ACOT7: variants seen among roughly 807,000 people sequenced by gnomAD.
ACOT7 encodes cytosolic acyl coenzyme A thioester hydrolase.
ACOT7 carries 12 observed loss-of-function variants against 40.2 expected under a neutral mutation model. The observed-to-expected ratio is 0.30, with a 90% CI of 0.19 to 0.48. ACOT7 has a LOEUF of 0.48. Ranked by LOEUF, ACOT7 falls within the 20% of genes least tolerant of loss-of-function variation. The pLI is 0.99. For synonymous variants in ACOT7, 228 were observed against 219.5 expected (o/e 1.04, Z -0.34); for missense variants, 395 against 530.8 (o/e 0.74, Z 2.51).
intron 8 of ACOT7, among the ~76,000 whole-genome samples, chr1:6,266,072 G>T (rs1056432714): frequency 6.6e-6 from 1 of 152,160 alleles, no homozygotes; most frequent in Non-Finnish European, 1.5e-5. Flanking sequence ...TCCTTGCAGC[G>T]GTCCTGGTCC....
At chr1:6,385,366 G>A (rs992468273) in intron 1 of ACOT7, 5 of 1,170,490 alleles carry the variant, frequency 4.3e-6, no homozygotes, top group Non-Finnish European at 6.0e-6. Flanking sequence ...AAAACACACA[G>A]CTCATCCAAC....
At chr1:6,350,413 G>A (rs1015350694) in intron 1 of ACOT7, among the ~76,000 whole-genome samples, 6 of 152,216 alleles carry the variant, frequency 3.9e-5, no homozygotes, top group African/African-American at 9.6e-5. Flanking sequence ...TGTGGGTCCC[G>A]GGGGCAGTGT....
rs1355597988 is a variant in ACOT7, at chr1:6,288,384, C to T, written c.829+6480G>A. On this transcript the variant is annotated intron_variant, in intron 7 of 8. Coordinates refer to ENST00000361521, the MANE Select transcript of ACOT7 (RefSeq NM_007274.4). The surrounding 1 kb of genome is among the most constrained non-coding windows in gnomAD (Gnocchi z 4.3). ...CCTGGTGAGAGTTTAACTTGCCACA[C>T]ACCTGCTAAGGACCCCGTAGGTGCT... 6.6e-6 allele frequency among the ~76,000 whole-genome samples: 1 copy of T among 152,234 alleles called. No homozygotes were observed. Among genetic ancestry groups the T allele is most frequent in the Admixed American group, 6.5e-5 (1 of 15,286 alleles).
chr1:6,325,216 G>A (rs1001241235), intron 5 of ACOT7, among the ~76,000 whole-genome samples: 5 of 152,196 alleles, frequency 3.3e-5, no homozygotes, highest in African/African-American at 4.8e-5. Flanking sequence ...GGCTAATACG[G>A]TGAAACCCCA....
intron 1 of ACOT7, among the ~76,000 whole-genome samples, chr1:6,377,221 T>G (rs759177573): frequency 6.6e-6 from 1 of 151,978 alleles, no homozygotes; most frequent in Admixed American, 6.6e-5. Context: ...CAATCCTATA[T>G]TCCATTAAAG....
chr1:6,285,894 GTAGTGTC>G (rs1398317069), intron 7 of ACOT7, among the ~76,000 whole-genome samples: 7 of 152,212 alleles, frequency 4.6e-5, no homozygotes. Flanking sequence ...TTGTATACCA[GTAGTGTC>G]TGTCTGTATC....
In ACOT7 at chr1:6,393,352, G is replaced by A. The variant is rs1475946104; in HGVS notation, c.48C>T (p.Thr16=). Residue 16 remains threonine (T), a synonymous_variant, in exon 1 of 9, where the codon ACC becomes ACT. Coordinates refer to ENST00000361521, the MANE Select transcript of ACOT7 (RefSeq NM_007274.4). ...CGGCGGGCGGCTGCAGAAGGGCGCA[G>A]GTGTCTGGCAGGCCCGGCGCGGAAT... The part of the protein sequence containing the change: ...LIHSAPGLPD[T]CALLQPPAAS... The A allele has an allele frequency of 4.8e-6, 6 of 1,248,414 alleles. No individual in the cohort carries two copies. The highest frequency in any genetic ancestry group is 3.1e-5 in the East Asian group (1 of 32,784). The allele number at this position is 1,248,414 out of a possible 1,614,324, so 77.3% of individuals were successfully genotyped here.
intron 6 of ACOT7, among the ~76,000 whole-genome samples, chr1:6,308,451 C>CG (rs1314820045): frequency 6.9e-6 from 1 of 144,922 alleles, no homozygotes. Flanking sequence ...GAGGGAACCA[C>CG]GACCAGGTGG....
chr1:6,366,967 G>A (rs537333554), intron 1 of ACOT7, among the ~76,000 whole-genome samples: 2 of 152,140 alleles, frequency 1.3e-5, no homozygotes, highest in South Asian at 2.1e-4. Context: ...GGGAGGCCGA[G>A]GCAGGCGGAT....
chr1:6,382,225 G>A (rs1313762073), intron 1 of ACOT7, among the ~76,000 whole-genome samples: 2 of 151,344 alleles, frequency 1.3e-5, no homozygotes, highest in Non-Finnish European at 3.0e-5. Flanking sequence ...CCAACATGGG[G>A]AAACCCCGTC....
chr1:6,314,166 T>C (rs1484328712), intron 6 of ACOT7, among the ~76,000 whole-genome samples: 1 of 152,110 alleles, frequency 6.6e-6, no homozygotes, highest in African/African-American at 2.4e-5. Flanking sequence ...TTGGCTTTCG[T>C]AGTAACACCG....
intron 1 of ACOT7, chr1:6,385,925 TCA>T: frequency 1.9e-6 from 2 of 1,035,516 alleles, no homozygotes; most frequent in Non-Finnish European, 2.6e-6. Context: ...CGGCCTGAAC[TCA>T]CAGACAGGGA....
intron 1 of ACOT7, chr1:6,360,750 G>A (rs1328544731): frequency 6.3e-7 from 1 of 1,582,234 alleles, no homozygotes; most frequent in African/African-American, 1.3e-5. Context: ...TTTGGACTTG[G>A]CCTCATCCCT....
chr1:6,352,018 G>A lies in ACOT7; in HGVS notation c.144-2152C>T, dbSNP rs3789472. On this transcript the variant is annotated intron_variant, in intron 1 of 8. Transcript: ENST00000361521. This position sits in a 1 kb window ranked among gnomAD's most constrained non-coding sequence, Gnocchi z 4.5. The stretch of plus-strand genomic sequence containing the variant: ...ACATGCCAGGAACTGCAGACCGCAC[G>A]CCAGCTGGCTACCACGGGCCTGGCC... 0.081 allele frequency among the ~76,000 whole-genome samples: 12,386 copies of A among 152,168 alleles called. 855 individuals are homozygous for A. Among genetic ancestry groups the A allele is most frequent in the African/African-American group, 0.18 (7,381 of 41,508 alleles).
At chr1:6,283,672 GA>G (rs1639419101) in intron 7 of ACOT7, among the ~76,000 whole-genome samples, 1 of 152,232 alleles carries the variant, frequency 6.6e-6, no homozygotes, top group Non-Finnish European at 1.5e-5. Flanking sequence ...CTGTCTGGGA[GA>G]GCCTCTTGTG....
intron 1 of ACOT7, among the ~76,000 whole-genome samples, chr1:6,365,412 CT>C (rs1641982883): frequency 6.6e-6 from 1 of 152,108 alleles, no homozygotes; most frequent in African/African-American, 2.4e-5. Context: ...AAAAGTTACA[CT>C]GTAGTCTATT....
intron 8 of ACOT7, among the ~76,000 whole-genome samples, chr1:6,279,846 T>C (rs1341624548): frequency 3.3e-5 from 5 of 152,072 alleles, no homozygotes; most frequent in African/African-American, 1.2e-4. Flanking sequence ...GGAGAGGGGC[T>C]TGGAGGGGCC....
chr1:6,369,578 T>A (rs1642088919), intron 1 of ACOT7, among the ~76,000 whole-genome samples: 1 of 149,712 alleles, frequency 6.7e-6, no homozygotes, highest in Non-Finnish European at 1.5e-5. Flanking sequence ...AGCTAATTTC[T>A]TTTTTTTCTT....
At chr1:6,292,534 G>A (rs932888842) in intron 7 of ACOT7, among the ~76,000 whole-genome samples, 3 of 152,196 alleles carry the variant, frequency 2.0e-5, no homozygotes, top group Non-Finnish European at 4.4e-5. Flanking sequence ...AAAAGCATTC[G>A]ACCCAGACTG....
Sources: gnomAD v4.1 joint callset for allele counts (sites outside exome capture counted in the v4.1 genomes callset) on GRCh38, gnomAD v4.1.1 for gene constraint, Gnocchi (gnomAD v3.1) non-coding constraint, MANE v1.5 for transcripts, NCBI Gene and HGNC (gene_info 2026-07-23, HGNC 2026-07-21) for gene names.